MAN1A1: variants seen among roughly 807,000 people sequenced by gnomAD.
MAN1A1 encodes mannosidase alpha class 1A member 1, also known as mannosyl-oligosaccharide 1,2-alpha-mannosidase IA.
A neutral mutation model predicts 70.8 loss-of-function variants in MAN1A1; 29 were observed. The ratio of observed to expected loss-of-function variants is 0.41; its 90% confidence interval spans 0.31 to 0.56. The LOEUF (loss-of-function observed/expected upper bound fraction) is 0.56. Among genes scored for constraint, MAN1A1 ranks in the 20% least tolerant of loss-of-function variants. The pLI is 0.29. For synonymous variants in MAN1A1, 349 were observed against 330.1 expected, an observed-to-expected ratio of 1.06 and a Z score of -0.62; for missense variants, 747 against 841.3, an observed-to-expected ratio of 0.89 and a Z score of 1.39.
At chr6:119,212,347 T>C (rs1774078157) in intron 6 of MAN1A1, among the ~76,000 whole-genome samples, 1 of 152,096 alleles carries the variant, frequency 6.6e-6, no homozygotes, top group Non-Finnish European at 1.5e-5. Context: ...AAAGTAATGG[T>C]AGTTTTTGGC....
At chr6:119,183,292 C>T (rs1773200069) in intron 11 of MAN1A1, among the ~76,000 whole-genome samples, 1 of 152,180 alleles carries the variant, frequency 6.6e-6, no homozygotes, top group Non-Finnish European at 1.5e-5. Context: ...GAAAATAAGA[C>T]CGATCAACTT....
intron 5 of MAN1A1, among the ~76,000 whole-genome samples, chr6:119,259,928 T>C (rs1467140158): frequency 1.3e-5 from 2 of 152,314 alleles, no homozygotes; most frequent in Admixed American, 6.5e-5. Context: ...ATCTTATTAA[T>C]CTTGTCTACC....
At chr6:119,237,442 G>C (rs3778104) in intron 6 of MAN1A1, among the ~76,000 whole-genome samples, 13 of 152,052 alleles carry the variant, frequency 8.5e-5, no homozygotes, top group African/African-American at 3.1e-4. Context: ...GCCCCACTGC[G>C]AGTTTGCGTC....
At chr6:119,230,084 C>T (rs1490723030) in intron 6 of MAN1A1, among the ~76,000 whole-genome samples, 1 of 152,124 alleles carries the variant, frequency 6.6e-6, no homozygotes, top group East Asian at 1.9e-4. Flanking sequence ...ATGGTGAAAC[C>T]AATTCCAGGA....
intron 5 of MAN1A1, among the ~76,000 whole-genome samples, chr6:119,265,805 G>T (rs1427147423): frequency 6.6e-6 from 1 of 152,000 alleles, no homozygotes. Flanking sequence ...GAAATAAAAG[G>T]TATACTGATT....
intron 5 of MAN1A1, among the ~76,000 whole-genome samples, chr6:119,264,413 G>A (rs1218477386): frequency 6.6e-6 from 1 of 152,188 alleles, no homozygotes; most frequent in Admixed American, 6.5e-5. Flanking sequence ...AGCAAAAATT[G>A]TTAATAATCT....
At chr6:119,344,688 T>G (rs1473345120) in intron 2 of MAN1A1, among the ~76,000 whole-genome samples, 1 of 152,242 alleles carries the variant, frequency 6.6e-6, no homozygotes, top group East Asian at 1.9e-4. Flanking sequence ...GTGTTTTGTT[T>G]TAACCTGCCA....
chr6:119,235,301 A>G (rs1313097626), intron 6 of MAN1A1, among the ~76,000 whole-genome samples: 1 of 152,240 alleles, frequency 6.6e-6, no homozygotes, highest in African/African-American at 2.4e-5. Flanking sequence ...CTCTTGTGCC[A>G]AACAGTTAAA....
At chr6:119,265,159 G>A (rs1380516973) in intron 5 of MAN1A1, among the ~76,000 whole-genome samples, 1 of 150,604 alleles carries the variant, frequency 6.6e-6, no homozygotes, top group East Asian at 1.9e-4. Context: ...AAAGTGCAGT[G>A]ACACAATCAT....
In MAN1A1 at chr6:119,179,578, T is replaced by C. The variant is rs577830886; in HGVS notation, c.*241A>G. On this transcript the variant is annotated 3_prime_UTR_variant, in exon 13 of 13. Coordinates refer to ENST00000368468, the MANE Select transcript of MAN1A1 (RefSeq NM_005907.4). ...ACACCTTCATGAAATCCAGAGATAATAGGTTACTTAAAAACATAAACAAAA... is the reference window on the plus strand; with the variant it reads ...ACACCTTCATGAAATCCAGAGATAACAGGTTACTTAAAAACATAAACAAAA... The C allele has an allele frequency of 3.8e-4, 108 of 287,534 alleles. No individual in the cohort carries two copies. The highest frequency in any genetic ancestry group is 2.1e-3 in the African/African-American group (97 of 47,304). 17.8% of individuals were successfully genotyped at this position (287,534 alleles called of 1,614,324 possible). A position where few individuals can be genotyped will look rare whatever the true frequency, so the allele number is the denominator to read the frequency against.
chr6:119,274,284 C>T (rs1459815345), intron 5 of MAN1A1, among the ~76,000 whole-genome samples: 2 of 152,112 alleles, frequency 1.3e-5, no homozygotes, highest in African/African-American at 4.8e-5. Context: ...TCCTGTCTTA[C>T]TTTTTCTAAG....
intron 2 of MAN1A1, among the ~76,000 whole-genome samples, chr6:119,311,311 T>C (rs185505288): frequency 3.3e-5 from 5 of 152,312 alleles, no homozygotes; most frequent in Admixed American, 3.3e-4. Flanking sequence ...GACAAATATA[T>C]GTGAAACCAG....
At chr6:119,311,231 A>G (rs1333350949) in intron 2 of MAN1A1, among the ~76,000 whole-genome samples, 1 of 152,236 alleles carries the variant, frequency 6.6e-6, no homozygotes, top group Non-Finnish European at 1.5e-5. Context: ...TAAAAACCTA[A>G]GAATGTCTGT....
At chr6:119,226,303 C>T (rs546220044) in intron 6 of MAN1A1, among the ~76,000 whole-genome samples, 2 of 152,308 alleles carry the variant, frequency 1.3e-5, no homozygotes, top group African/African-American at 2.4e-5. Context: ...GTGCCCCTTG[C>T]CTTTCACGTT....
intron 6 of MAN1A1, among the ~76,000 whole-genome samples, chr6:119,207,721 T>C (rs1362476274): frequency 6.6e-6 from 1 of 152,184 alleles, no homozygotes; most frequent in Non-Finnish European, 1.5e-5. Context: ...CTTTAATGTT[T>C]AGAATGATGT....
chr6:119,236,790 A>T (rs1056874848), intron 6 of MAN1A1, among the ~76,000 whole-genome samples: 15 of 152,098 alleles, frequency 9.9e-5, no homozygotes, highest in African/African-American at 3.4e-4. Flanking sequence ...TAGCTGCCAT[A>T]GACAGTGATT....
Position 119,179,920 on chromosome 6 carries a change from C to G in MAN1A1, c.1861G>C (p.Asp621His). ...LKYLYLIFSD[D>H]DLLPLEHWIF... ...CAATGCTCCAGTGGAAGAAGATCGT[C>G]GTCAGAAAATATTAGGTACAAATAT... is the stretch of plus-strand genomic sequence containing the variant. Residue 621 changes from aspartate to histidine, a missense_variant, in exon 13 of 13, where the codon GAC (aspartate) becomes CAC (histidine). Around this residue, in one of 2 missense-constraint regions of MAN1A1, gnomAD observed 419 missense variants for 548.2 expected, o/e 0.76. Transcript: ENST00000368468. The G allele has an allele frequency of 6.2e-7, 1 of 1,613,512 alleles. No individual in the cohort carries two copies. The highest frequency in any genetic ancestry group is 8.5e-7 in the Non-Finnish European group (1 of 1,179,618).
intron 2 of MAN1A1, among the ~76,000 whole-genome samples, chr6:119,341,872 T>C (rs1030037103): frequency 1.3e-4 from 20 of 152,238 alleles, no homozygotes; most frequent in East Asian, 1.2e-3. Flanking sequence ...TCCCAACACT[T>C]TGGGGTGCCG....
chr6:119,267,246 C>T (rs941715602), intron 5 of MAN1A1, among the ~76,000 whole-genome samples: 8 of 152,158 alleles, frequency 5.3e-5, no homozygotes, highest in Non-Finnish European at 8.8e-5. Flanking sequence ...TTTAAACTAA[C>T]GAACTGAAAA....
Sources: allele counts gnomAD v4.1 joint callset (sites outside exome capture counted in the v4.1 genomes callset), GRCh38; gene constraint gnomAD v4.1.1; regional missense constraint gnomAD v4.1.1; transcripts MANE v1.5; gene names NCBI Gene and HGNC (gene_info 2026-07-23, HGNC 2026-07-21).